APLF: variants seen among roughly 807,000 people sequenced by gnomAD.
The protein encoded by APLF is aprataxin and PNK-like factor.
Under a neutral mutation model 55.6 loss-of-function variants are expected in APLF, and 61 were observed. The observed-to-expected ratio is 1.10, with a 90% CI of 0.89 to 1.36. APLF has a LOEUF of 1.36. APLF is among the 40% of genes most tolerant of loss of function. The probability of loss-of-function intolerance (pLI) is 0.00; values close to 1 mark genes in which losing one functional copy is unlikely to be tolerated. For missense variants in APLF, 611 were observed against 602.5 expected (o/e 1.01, Z -0.15); for synonymous variants, 207 against 214.8 (o/e 0.96, Z 0.32).
At chr2:68,538,571 G>C (rs1213879897) in intron 7 of APLF, among the ~76,000 whole-genome samples, 1 of 133,526 alleles carries the variant, frequency 7.5e-6, no homozygotes, top group Admixed American at 7.3e-5. Flanking sequence ...CTACAGAGTT[G>C]TTGTCTACAA....
In APLF at chr2:68,525,742, C is replaced by CTTTTTTTTTTTTTTT. The variant is rs386390398; in HGVS notation, c.623-308_623-294dup. ...TTTATCCTTTTTATTTTCTTTCTTT[C>CTTTTTTTTTTTTTTT]TTTTTTTTTTTTTTTTTTTTTTTTT... is the stretch of plus-strand genomic sequence containing the variant. On this transcript the variant is annotated intron_variant, in intron 5 of 9. Coordinates refer to ENST00000303795, the MANE Select transcript of APLF (RefSeq NM_173545.3). 1.3e-3 allele frequency among the ~76,000 whole-genome samples: 103 copies of CTTTTTTTTTTTTTTT among 82,030 alleles called. 11 individuals carry two copies. Among genetic ancestry groups the CTTTTTTTTTTTTTTT allele is most frequent in the African/African-American group, 5.9e-3 (96 of 16,184 alleles). The allele number at this position is 82,030 out of a possible 152,430, so 53.8% of individuals were successfully genotyped here.
Position 68,499,170 on chromosome 2 carries a change from A to G in APLF, c.169-3561A>G, listed in dbSNP as rs77584121. 4.7e-3 allele frequency among the ~76,000 whole-genome samples: 713 copies of G among 152,276 alleles called. 8 individuals are homozygous for G. Among genetic ancestry groups the G allele is most frequent in the African/African-American group, 0.016 (666 of 41,564 alleles). ...TATTTTAGTTTCATTTTTTGCAGGG[A>G]TAATGCATCCTTTGCACCACTTCTA... On this transcript the variant is annotated intron_variant, in intron 2 of 9. Transcript: ENST00000303795.
chr2:68,529,213 G>T lies in APLF; in HGVS notation c.804+2971G>T. On this transcript the variant is annotated intron_variant, in intron 6 of 9. Transcript: ENST00000303795. The surrounding 1 kb of genome is among the most constrained non-coding windows in gnomAD (Gnocchi z 4.4). Reference sequence around the variant, plus strand: ...GCAGGACCCTCTGTGGGGTGCCCGTGTTCCAAGGGATAAGACACAGCCTCA... The same window carrying T: ...GCAGGACCCTCTGTGGGGTGCCCGTTTTCCAAGGGATAAGACACAGCCTCA... 2 of 1,251,696 alleles carry T rather than the reference G, an allele frequency of 1.6e-6. No individual in the cohort carries two copies. Among genetic ancestry groups the T allele is most frequent in the South Asian group, 1.5e-5 (1 of 66,022 alleles). 77.5% of individuals were successfully genotyped at this position (1,251,696 alleles called of 1,614,324 possible).
chr2:68,496,400 C>A (rs1676548159), intron 2 of APLF, among the ~76,000 whole-genome samples: 1 of 152,120 alleles, frequency 6.6e-6, no homozygotes, highest in African/African-American at 2.4e-5. Flanking sequence ...CCACCGTGCC[C>A]AGCCTGACTT....
chr2:68,511,953 A>G (rs1027220810), intron 3 of APLF, among the ~76,000 whole-genome samples: 10 of 151,752 alleles, frequency 6.6e-5, no homozygotes, highest in African/African-American at 2.4e-4. Context: ...TATAAGAAAT[A>G]CTAAAACGAA....
chr2:68,477,973 G>A (rs1408965184), intron 1 of APLF, among the ~76,000 whole-genome samples: 2 of 151,508 alleles, frequency 1.3e-5, no homozygotes, highest in Non-Finnish European at 2.9e-5. Context: ...ATTTGGGTGG[G>A]GACACAGCCA....
intron 6 of APLF, chr2:68,528,482 G>T (rs1318703963): frequency 4.6e-6 from 7 of 1,533,764 alleles, no homozygotes; most frequent in Non-Finnish European, 6.1e-6. Flanking sequence ...TGGTGGCCCC[G>T]ACAGTTTTCT....
chr2:68,557,283 T>C (rs1385486532), intron 8 of APLF, among the ~76,000 whole-genome samples: 2 of 152,316 alleles, frequency 1.3e-5, no homozygotes, highest in Middle Eastern at 3.4e-3. Context: ...CTTTACTGTT[T>C]AGGGAACTAT....
intron 1 of APLF, among the ~76,000 whole-genome samples, chr2:68,485,055 C>A (rs1254651233): frequency 6.6e-6 from 1 of 151,912 alleles, no homozygotes; most frequent in South Asian, 2.1e-4. Context: ...CTAAATATGT[C>A]AACATGTGTC....
At chr2:68,538,630 TG>T (rs1670466945) in intron 7 of APLF, among the ~76,000 whole-genome samples, 1 of 148,840 alleles carries the variant, frequency 6.7e-6, no homozygotes, top group Admixed American at 6.6e-5. Flanking sequence ...TTTATATTTT[TG>T]TAATGGTGCT....
intron 2 of APLF, among the ~76,000 whole-genome samples, chr2:68,497,227 A>G (rs1319469854): frequency 1.3e-5 from 2 of 152,102 alleles, no homozygotes; most frequent in Admixed American, 6.5e-5. Flanking sequence ...AGTACATCAC[A>G]TGTTGAAAGC....
rs151251230 is a variant in APLF at position 68,512,567 on chromosome 2, C to G, written c.342-513C>G. On this transcript the variant is annotated intron_variant, in intron 3 of 9. Transcript: ENST00000303795. ...TGTCCCACATGTGACCATGGATGTT[C>G]CTGTTCCAGAACATTTAGCTTGCAG... is the stretch of plus-strand genomic sequence containing the variant. 1.7e-3 allele frequency among the ~76,000 whole-genome samples: 262 copies of G among 151,910 alleles called. 1 individual carries two copies. The highest frequency in any genetic ancestry group is 6.0e-3 in the African/African-American group (251 of 41,528).
intron 2 of APLF, among the ~76,000 whole-genome samples, chr2:68,493,735 G>A (rs962327126): frequency 6.6e-6 from 1 of 152,112 alleles, no homozygotes; most frequent in Admixed American, 6.5e-5. Context: ...AGGTGAAGGC[G>A]GGCAGATCAC....
chr2:68,577,138 A>G (rs766205624), intron 9 of APLF, among the ~76,000 whole-genome samples: 1 of 152,194 alleles, frequency 6.6e-6, no homozygotes, highest in Non-Finnish European at 1.5e-5. Context: ...ATAAAACTAA[A>G]CTTTCCAAAG....
intron 3 of APLF, 121 bp from the exon 4 acceptor site, chr2:68,512,959 A>G (rs1669437407): frequency 1.3e-6 from 1 of 766,170 alleles, no homozygotes; most frequent in Admixed American, 2.9e-5. Context: ...CTAGTATACT[A>G]TAATCTGCTT....
At chr2:68,475,783 T>C (rs140994827) in intron 1 of APLF, among the ~76,000 whole-genome samples, 13 of 152,264 alleles carry the variant, frequency 8.5e-5, no homozygotes, top group African/African-American at 2.6e-4. Context: ...AGCTCTGGAA[T>C]GCATGCTGGA....
chr2:68,497,415 TG>T (rs1676582075), intron 2 of APLF, among the ~76,000 whole-genome samples: 1 of 151,986 alleles, frequency 6.6e-6, no homozygotes, highest in Non-Finnish European at 1.5e-5. Context: ...TCACGACATC[TG>T]GTTGTTTAAA....
intron 8 of APLF, among the ~76,000 whole-genome samples, chr2:68,553,831 G>A (rs1431656119): frequency 2.6e-5 from 4 of 151,996 alleles, no homozygotes; most frequent in African/African-American, 9.7e-5. Context: ...TCACAAAACA[G>A]TGTAAGAATT....
chr2:68,517,102 C>T (rs1356909627), intron 5 of APLF, among the ~76,000 whole-genome samples: 1 of 120,898 alleles, frequency 8.3e-6, no homozygotes, highest in Non-Finnish European at 1.6e-5. Flanking sequence ...ATATAATATA[C>T]TAATATATAA....
Sources: allele counts gnomAD v4.1 joint callset (sites outside exome capture counted in the v4.1 genomes callset), GRCh38; gene constraint gnomAD v4.1.1; non-coding constraint Gnocchi (gnomAD v3.1); transcripts MANE v1.5; gene names NCBI Gene and HGNC (gene_info 2026-07-23, HGNC 2026-07-21).